The following TAF1A variants were observed in gnomAD, a reference collection of about 807,000 sequenced individuals.
TAF1A encodes TATA-box binding protein associated factor, RNA polymerase I subunit A, also known as TATA box-binding protein-associated factor RNA polymerase I subunit A.
TAF1A carries 42 observed loss-of-function variants against 61.6 expected under a neutral mutation model. The observed-to-expected ratio is 0.68, with a 90% CI of 0.53 to 0.88. The LOEUF is 0.88. Among genes scored for constraint, TAF1A ranks in the 40% least tolerant of loss-of-function variants. TAF1A has a pLI of 0.00. For missense variants in TAF1A, 424 were observed against 518.7 expected, an observed-to-expected ratio of 0.82 and a Z score of 1.77; for synonymous variants, 179 against 177.7, an observed-to-expected ratio of 1.01 and a Z score of -0.06.
intron 10 of TAF1A, 108 bp downstream of exon 10, chr1:222,561,256 C>T: frequency 8.6e-7 from 1 of 1,165,642 alleles, no homozygotes; most frequent in South Asian, 1.7e-5. Context: ...TCTTAAGCAC[C>T]TAATATTTTT....
chr1:222,583,413 G>A (rs530977445), intron 3 of TAF1A, among the ~76,000 whole-genome samples: 3 of 91,052 alleles, frequency 3.3e-5, no homozygotes, highest in South Asian at 9.7e-4. Flanking sequence ...TATAAAAAAC[G>A]TCTTGATAAA....
intron 7 of TAF1A, among the ~76,000 whole-genome samples, chr1:222,567,911 C>T (rs1025927010): frequency 1.3e-5 from 2 of 152,086 alleles, no homozygotes; most frequent in African/African-American, 4.8e-5. Flanking sequence ...AGAAGACCTA[C>T]AATATGAAGT....
intron 10 of TAF1A, among the ~76,000 whole-genome samples, chr1:222,560,587 AG>A (rs1390674267): frequency 1.3e-5 from 2 of 152,202 alleles, no homozygotes; most frequent in Non-Finnish European, 2.9e-5. Flanking sequence ...CCTTGTCATC[AG>A]TGTATTGATT....
intron 7 of TAF1A, among the ~76,000 whole-genome samples, chr1:222,568,486 C>CA (rs1660210277): frequency 1.9e-5 from 1 of 52,422 alleles, no homozygotes; most frequent in Non-Finnish European, 6.0e-5. Flanking sequence ...AAAGAAGATA[C>CA]AGGATGGCCA....
chr1:222,563,202 C>A lies in TAF1A; in HGVS notation c.1056G>T (p.Leu352Phe). 1 of 1,611,848 alleles carries A rather than the reference C, an allele frequency of 6.2e-7. No homozygotes were observed. Among genetic ancestry groups the A allele is most frequent in the Non-Finnish European group, 8.5e-7 (1 of 1,178,608 alleles). The change falls in exon 9 of 11, where the codon TTG (leucine) becomes TTT (phenylalanine). Residue 352 changes from leucine (L) to phenylalanine (F), a missense_variant. Coordinates refer to ENST00000352967, the MANE Select transcript of TAF1A (RefSeq NM_005681.4). ...TTAAGATATTTTTCAGATATTTTGC[C>A]AAGTATTTCCAAGCAGTTATATTCT... ...CTKNITAWKY[L>F]AKYLKNILMG...
chr1:222,588,501 A>G lies in TAF1A; in HGVS notation c.63T>C (p.Ser21=). Residue 21 remains serine (S), a synonymous_variant, in exon 2 of 11, where the codon TCT becomes TCC. Transcript: ENST00000352967. The stretch of plus-strand genomic sequence containing the variant: ...AATGCATTCCTGCACCACTGAGCAC[A>G]GATGTTTCCACTTCTTCATCATCTG... ...PVTDDEEVET[S]VLSGAGMHFP... is the part of the protein sequence containing the mutation. 6.2e-7 allele frequency: 1 copy of G among 1,614,114 alleles called. No homozygotes were observed. Among genetic ancestry groups the G allele is most frequent in the Non-Finnish European group, 8.5e-7 (1 of 1,179,980 alleles).
intron 5 of TAF1A, among the ~76,000 whole-genome samples, chr1:222,576,468 G>T (rs1189786641): frequency 2.0e-5 from 3 of 152,196 alleles, no homozygotes; most frequent in African/African-American, 7.2e-5. Context: ...TAATCATAGA[G>T]ATTAGGTTAA....
intron 7 of TAF1A, among the ~76,000 whole-genome samples, chr1:222,564,826 TTAAAAG>T (rs1660056018): frequency 6.6e-6 from 1 of 152,152 alleles, no homozygotes; most frequent in Admixed American, 6.5e-5. Flanking sequence ...TCCAACAAAA[TTAAAAG>T]TAAATTTTGT....
At chr1:222,570,259 A>C (rs1660295095) in intron 6 of TAF1A, among the ~76,000 whole-genome samples, 1 of 152,144 alleles carries the variant, frequency 6.6e-6, no homozygotes. Flanking sequence ...CCAAATCATA[A>C]GGTATCTTAC....
chr1:222,558,096 C>A (rs1046340374), downstream of TAF1A: 2 of 151,902 alleles, frequency 1.3e-5, no homozygotes, highest in Non-Finnish European at 2.9e-5. Context: ...GTTGGCCAGG[C>A]TGGTCTTGAA....
At chr1:222,574,714 T>C (rs1170639518) in intron 5 of TAF1A, among the ~76,000 whole-genome samples, 2 of 152,208 alleles carry the variant, frequency 1.3e-5, no homozygotes, top group Non-Finnish European at 2.9e-5. Flanking sequence ...GAACAAAATA[T>C]GCAAGGCCTA....
downstream of TAF1A, among the ~76,000 whole-genome samples, chr1:222,557,286 A>G (rs1659741972): frequency 6.6e-6 from 1 of 152,188 alleles, no homozygotes; most frequent in Non-Finnish European, 1.5e-5. Context: ...CCAACATATT[A>G]TAAAGCTCAG....
chr1:222,565,411 A>G (rs1295407754), intron 7 of TAF1A, among the ~76,000 whole-genome samples: 4 of 152,160 alleles, frequency 2.6e-5, no homozygotes, highest in Admixed American at 6.5e-5. Context: ...CAAATACCCT[A>G]TTTTTCAAAA....
At chr1:222,574,682 G>A (rs1042146140) in intron 5 of TAF1A, among the ~76,000 whole-genome samples, 13 of 152,118 alleles carry the variant, frequency 8.5e-5, no homozygotes, top group Admixed American at 3.9e-4. Flanking sequence ...CCAATAACAT[G>A]TATTATCTTA....
intron 5 of TAF1A, among the ~76,000 whole-genome samples, chr1:222,572,353 T>C (rs1044300948): frequency 1.3e-5 from 2 of 152,102 alleles, no homozygotes; most frequent in African/African-American, 4.8e-5. Context: ...AGGTAACTAA[T>C]TTTCTTTTGT....
downstream of TAF1A, among the ~76,000 whole-genome samples, chr1:222,556,136 A>C (rs557434563): frequency 6.6e-6 from 1 of 152,296 alleles, no homozygotes; most frequent in African/African-American, 2.4e-5. Flanking sequence ...ATCCCATCAG[A>C]CATCTCATGT....
intron 2 of TAF1A, among the ~76,000 whole-genome samples, chr1:222,587,964 C>A (rs1424711744): frequency 1.3e-5 from 2 of 151,878 alleles, no homozygotes; most frequent in Non-Finnish European, 2.9e-5. Context: ...AGTAGAATCA[C>A]TTGAACCTGG....
At chr1:222,588,358 C>T (rs748242372) in intron 2 of TAF1A, 85 bp downstream of exon 2, 174 of 1,481,062 alleles carry the variant, frequency 1.2e-4, no homozygotes, top group Non-Finnish European at 1.5e-4. Flanking sequence ...GAAAATTAAA[C>T]CAGTCTGGTT....
rs1295697205 is a variant in TAF1A, at chr1:222,589,709, G to GAT, written c.-3+16_-3+17dup. On this transcript the variant is annotated intron_variant, in intron 1 of 10. Transcript: ENST00000352967. ...CCATTTAAACGCAGGAACCACGGGCGATATCTGCGGCACTTACCCGCCTAA... is the reference window on the plus strand; with the variant it reads ...CCATTTAAACGCAGGAACCACGGGCGATATATCTGCGGCACTTACCCGCCTAA... 2.1e-4 allele frequency: 45 copies of GAT among 210,534 alleles called. No homozygotes were observed. In the East Asian group the frequency reaches 4.6e-3, roughly 22 times the overall value. The allele number at this position is 210,534 out of a possible 1,614,324, so 13.0% of individuals were successfully genotyped here. A position where few individuals can be genotyped will look rare whatever the true frequency, so the allele number is the denominator to read the frequency against.
Sources: gnomAD v4.1 joint callset for allele counts (sites outside exome capture counted in the v4.1 genomes callset) on GRCh38, gnomAD v4.1.1 for gene constraint, MANE v1.5 for transcripts, NCBI Gene and HGNC (gene_info 2026-07-23, HGNC 2026-07-21) for gene names.